Variants in FAM209A observed in about 807,000 individuals in gnomAD.
The protein encoded by FAM209A is family with sequence similarity 209 member A.
Under a neutral mutation model 9.8 loss-of-function variants are expected in FAM209A, and 4 were observed. That is an observed-to-expected ratio of 0.41 (90% confidence interval 0.20 to 0.94). The LOEUF is 0.94. FAM209A is among the 40% of genes least tolerant of loss of function. The pLI, the probability that FAM209A is intolerant of heterozygous loss-of-function variation, is 0.32. For synonymous variants in FAM209A, 55 were observed against 77.8 expected (o/e 0.71, Z 1.54); for missense variants, 205 against 209.4 (o/e 0.98, Z 0.13).
chr20:56,533,320 C>G, the FAM209A span: 10 of 1,612,740 alleles, frequency 6.2e-6, no homozygotes, highest in Non-Finnish European at 8.5e-6. Context: ...ATGAGCAACT[C>G]CCTTCCCCAT....
rs1282506118 is a variant in FAM209A at position 56,525,986 on chromosome 20, C to A, written c.432C>A (p.Asn144Lys). The A allele has an allele frequency of 2.5e-6, 4 of 1,614,060 alleles. No homozygotes were observed. Among genetic ancestry groups the A allele is most frequent in the Admixed American group, 3.3e-5 (2 of 59,996 alleles). ...CCATGGCAACAGGTAGTGGCAGTAA[C>A]CTCAGGCTTCGAAAGTCAGAGATGC... ...KRAMATGSGS[N>K]LRLRKSEMPA... The change falls in exon 2 of 2, where the codon AAC becomes AAA. Residue 144 changes from asparagine (N) to lysine (K), a missense_variant. Transcript: ENST00000371328.
intron 1 of FAM209A, 135 bp downstream of exon 1, chr20:56,525,192 A>G: frequency 8.4e-7 from 1 of 1,195,312 alleles, no homozygotes; most frequent in South Asian, 1.5e-5. Flanking sequence ...AAAGCTGGCA[A>G]ATTCACTTCC....
At chr20:56,525,717 A>T in intron 1 of FAM209A, 87 bp from the exon 2 acceptor site, 1 of 1,379,036 alleles carries the variant, frequency 7.3e-7, no homozygotes, top group East Asian at 2.3e-5. Flanking sequence ...TCTTCTTGCA[A>T]CTACTCAAGT....
chr20:56,531,979 T>TTTTCTTTTC, the FAM209A span, among the ~76,000 whole-genome samples: 26 of 61,102 alleles, frequency 4.3e-4, no homozygotes, highest in African/African-American at 1.3e-3. Context: ...CTTTTCTTTT[T>TTTTCTTTTC]TTTTTTTTTT....
the FAM209A span, among the ~76,000 whole-genome samples, chr20:56,532,779 G>C: frequency 6.6e-6 from 1 of 152,072 alleles, no homozygotes; most frequent in Non-Finnish European, 1.5e-5. Flanking sequence ...GCCGCGCCCG[G>C]CCACGCTCTC....
chr20:56,525,699 C>T (rs1432128436), intron 1 of FAM209A, 105 bp from the exon 2 acceptor site: 5 of 1,145,864 alleles, frequency 4.4e-6, no homozygotes, highest in East Asian at 2.3e-5. Flanking sequence ...GCTTTGTGGG[C>T]AGTATGGTCT....
downstream of FAM209A, among the ~76,000 whole-genome samples, chr20:56,528,791 G>A (rs528584781): frequency 6.2e-4 from 94 of 152,324 alleles, no homozygotes; most frequent in African/African-American, 2.1e-3. Flanking sequence ...GAGACCAAGA[G>A]GAATCTGGAC....
chr20:56,532,087 G>T, the FAM209A span, among the ~76,000 whole-genome samples: 1 of 147,146 alleles, frequency 6.8e-6, no homozygotes, highest in African/African-American at 2.5e-5. Context: ...TGATTCTCCC[G>T]TCTCAGCCTC....
In FAM209A at chr20:56,525,843, T is replaced by C; in HGVS notation, c.289T>C (p.Ser97Pro). ...TGGCCTTCGAGGCGGCCAACTTCAC[T>C]CTCCATTAAAGAAAAAAAGAAATGC... is the stretch of plus-strand genomic sequence containing the variant. Reference protein sequence around the residue: ...PPGLRGGQLHSPLKKKRNASP... With the variant: ...PPGLRGGQLHPPLKKKRNASP... The change falls in exon 2 of 2, where the codon TCT (serine) becomes CCT (proline). Residue 97 changes from serine (S) to proline (P), a missense_variant. Physicochemically the swap from Ser to Pro is moderately conservative, Grantham distance 74. Coordinates refer to ENST00000371328, the MANE Select transcript of FAM209A (RefSeq NM_001012971.4). 1.9e-6 allele frequency: 3 copies of C among 1,614,092 alleles called. No individual in the cohort carries two copies. The highest frequency in any genetic ancestry group is 1.1e-5 in the South Asian group (1 of 91,078).
downstream of FAM209A, among the ~76,000 whole-genome samples, chr20:56,528,335 G>A (rs1050920885): frequency 1.9e-4 from 28 of 144,296 alleles, no homozygotes; most frequent in Non-Finnish European, 3.0e-4. Context: ...ATTCTCACTT[G>A]TAATCTTAGC....
downstream of FAM209A, among the ~76,000 whole-genome samples, chr20:56,528,005 G>A (rs1057190084): frequency 1.3e-5 from 2 of 152,172 alleles, no homozygotes; most frequent in African/African-American, 4.8e-5. Flanking sequence ...TACTCAGGAG[G>A]CTGAGGCAGG....
At position 56,524,747 on chromosome 20, in the gene FAM209A, C is replaced by A. The variant is rs1985445098; in HGVS notation, c.-62C>A. ...AAGGGCCTGGCACCAGGTGCCCAGTCTCCCAGTTGCGAGGGCAAGCAAACC... is the reference window on the plus strand; with the variant it reads ...AAGGGCCTGGCACCAGGTGCCCAGTATCCCAGTTGCGAGGGCAAGCAAACC... On this transcript the variant is annotated 5_prime_UTR_variant, in exon 1 of 2. Transcript: ENST00000371328. 2.5e-6 allele frequency: 4 copies of A among 1,598,358 alleles called. No homozygotes were observed. Among genetic ancestry groups the A allele is most frequent in the African/African-American group, 1.3e-5 (1 of 74,680 alleles).
chr20:56,527,210 G>GT (rs879382039), downstream of FAM209A, among the ~76,000 whole-genome samples: 697 of 144,706 alleles, frequency 4.8e-3, 3 homozygotes, highest in East Asian at 0.041. Context: ...TTACAGGTGT[G>GT]TTTTTTTTTT....
the FAM209A span, among the ~76,000 whole-genome samples, chr20:56,531,978 T>TCTTTC: frequency 7.3e-6 from 1 of 136,462 alleles, no homozygotes; most frequent in Non-Finnish European, 1.6e-5. Context: ...TCTTTTCTTT[T>TCTTTC]TTTTTTTTTT....
chr20:56,525,799 G>A lies in FAM209A; in HGVS notation c.250-5G>A. ...ATTACTGACCTTGAGTATCTTTCCT[G>A]ACAGGAGCAGAGTCCTCCTGGCCTT... On this transcript the variant is annotated splice_region_variant and splice_polypyrimidine_tract_variant and intron_variant, in intron 1 of 1. Coordinates refer to ENST00000371328, the MANE Select transcript of FAM209A (RefSeq NM_001012971.4). 6.2e-7 allele frequency: 1 copy of A among 1,612,232 alleles called. No homozygotes were observed.
downstream of FAM209A, among the ~76,000 whole-genome samples, chr20:56,526,986 G>T (rs1355081760): frequency 1.3e-5 from 2 of 152,204 alleles, no homozygotes; most frequent in South Asian, 2.1e-4. Flanking sequence ...CTAACCAGGG[G>T]CTCCCAGATT....
chr20:56,530,661 T>TA (rs1477436864), downstream of FAM209A, among the ~76,000 whole-genome samples: 2 of 116,544 alleles, frequency 1.7e-5, no homozygotes, highest in African/African-American at 7.7e-5. Context: ...CACACTCAGC[T>TA]AATTTTTTTT....
rs374116982 is a variant in FAM209A at position 56,526,102 on chromosome 20, G to A, written c.*32G>A. ...TTGTGTGTCAGGAGAGAAAAAAGTT[G>A]AGTGTTGACAAACTGTATGCAAACT... On this transcript the variant is annotated 3_prime_UTR_variant, in exon 2 of 2. Transcript: ENST00000371328. The A allele has an allele frequency of 9.1e-6, 14 of 1,543,304 alleles. No individual in the cohort carries two copies. In the African/African-American group the frequency reaches 1.7e-4, roughly 18 times the overall value.
chr20:56,527,121 C>T (rs1050591037), downstream of FAM209A, among the ~76,000 whole-genome samples: 4 of 152,128 alleles, frequency 2.6e-5, no homozygotes, highest in African/African-American at 9.7e-5. Flanking sequence ...CTCTCTCCTA[C>T]AGTGTTTATT....
Sources: gnomAD v4.1 joint callset for allele counts (sites outside exome capture counted in the v4.1 genomes callset) on GRCh38, gnomAD v4.1.1 for gene constraint, MANE v1.5 for transcripts, NCBI Gene and HGNC (gene_info 2026-07-23, HGNC 2026-07-21) for gene names.